The following DRC8 variants were observed in gnomAD, a reference collection of about 807,000 sequenced individuals.
DRC8 encodes dynein regulatory complex protein 8.
At chr1:245,027,006 T>A in the DRC8 span, among the ~76,000 whole-genome samples, 1 of 152,220 alleles carries the variant, frequency 6.6e-6, no homozygotes, top group Non-Finnish European at 1.5e-5. Flanking sequence ...GATGTTAACA[T>A]CTGTTAAATC....
chr1:244,989,095 A>T, the DRC8 span, among the ~76,000 whole-genome samples: 4 of 152,060 alleles, frequency 2.6e-5, no homozygotes, highest in African/African-American at 9.7e-5. Flanking sequence ...TTTAGTTATT[A>T]TTTATTTATT....
chr1:244,979,292 C>CTTTTTTTTTT, the DRC8 span, among the ~76,000 whole-genome samples: 1 of 51,370 alleles, frequency 1.9e-5, no homozygotes, highest in African/African-American at 9.8e-5. Flanking sequence ...CGAAGCTTAT[C>CTTTTTTTTTT]TTTTTTTTTT....
chr1:245,015,965 CTTTTTTTTTT>C, the DRC8 span, among the ~76,000 whole-genome samples: 2 of 57,210 alleles, frequency 3.5e-5, no homozygotes, highest in East Asian at 7.0e-4. Flanking sequence ...GCCTACAGGG[CTTTTTTTTTT>C]TTTTTTTTTT....
the DRC8 span, among the ~76,000 whole-genome samples, chr1:245,110,523 C>T: frequency 1.3e-5 from 2 of 152,204 alleles, no homozygotes; most frequent in Admixed American, 6.5e-5. Flanking sequence ...CTTTTCTGGG[C>T]ATATTCTGCT....
chr1:245,041,706 G>A, the DRC8 span, among the ~76,000 whole-genome samples: 2 of 152,146 alleles, frequency 1.3e-5, no homozygotes, highest in Admixed American at 1.3e-4. Flanking sequence ...AAACAAAAGG[G>A]AGGTGATTAA....
the DRC8 span, among the ~76,000 whole-genome samples, chr1:245,026,146 G>A: frequency 6.6e-6 from 1 of 152,316 alleles, no homozygotes; most frequent in East Asian, 1.9e-4. Context: ...TGCTAATACA[G>A]TGAGTCTCTT....
the DRC8 span, among the ~76,000 whole-genome samples, chr1:245,111,753 G>T: frequency 6.6e-6 from 1 of 152,156 alleles, no homozygotes; most frequent in Non-Finnish European, 1.5e-5. Context: ...CAGATAACTG[G>T]GGTGGGACAT....
At chr1:245,045,520 A>C in the DRC8 span, among the ~76,000 whole-genome samples, 2 of 152,076 alleles carry the variant, frequency 1.3e-5, no homozygotes, top group East Asian at 3.9e-4. Flanking sequence ...GGGTCCAAAT[A>C]CCCGCTAGCA....
the DRC8 span, chr1:244,970,451 A>AT: frequency 6.6e-7 from 1 of 1,526,472 alleles, no homozygotes; most frequent in Non-Finnish European, 8.7e-7. Context: ...AAGGTAAGGT[A>AT]GGGGAGCCGG....
the DRC8 span, among the ~76,000 whole-genome samples, chr1:244,988,861 T>C: frequency 1.3e-5 from 2 of 152,324 alleles, no homozygotes; most frequent in South Asian, 2.1e-4. Context: ...GTCAGCTAGA[T>C]ACTCGATATT....
the DRC8 span, among the ~76,000 whole-genome samples, chr1:245,011,275 G>T: frequency 2.0e-5 from 3 of 152,126 alleles, no homozygotes; most frequent in African/African-American, 7.2e-5. Context: ...TTTGGCATCA[G>T]CATCATTCCT....
the DRC8 span, among the ~76,000 whole-genome samples, chr1:245,118,139 G>A: frequency 3.9e-5 from 6 of 152,082 alleles, no homozygotes; most frequent in African/African-American, 7.2e-5. Flanking sequence ...CACTTAGACC[G>A]AGAACTGAAA....
At chr1:244,996,284 G>A in the DRC8 span, among the ~76,000 whole-genome samples, 1 of 151,958 alleles carries the variant, frequency 6.6e-6, no homozygotes, top group Admixed American at 6.6e-5. Context: ...TGATAAGAGG[G>A]GTGTGGGGGG....
At chr1:244,972,151 TTAAAG>T in the DRC8 span, among the ~76,000 whole-genome samples, 2 of 152,170 alleles carry the variant, frequency 1.3e-5, no homozygotes. Flanking sequence ...TTTTTTCCAT[TTAAAG>T]TAAATTCAGA....
chr1:245,092,415 T>A, the DRC8 span, among the ~76,000 whole-genome samples: 4 of 152,246 alleles, frequency 2.6e-5, no homozygotes, highest in Non-Finnish European at 5.9e-5. Context: ...GAAAGTACCC[T>A]GTTTATACAG....
chr1:245,072,728 TGAATCATGGGG>T, the DRC8 span, among the ~76,000 whole-genome samples: 1 of 152,244 alleles, frequency 6.6e-6, no homozygotes, highest in Non-Finnish European at 1.5e-5. Flanking sequence ...GGGAGGCGTT[TGAATCATGGGG>T]GAAGATCCCT....
the DRC8 span, among the ~76,000 whole-genome samples, chr1:245,038,204 C>T: frequency 1.3e-5 from 2 of 152,192 alleles, no homozygotes; most frequent in South Asian, 4.1e-4. Context: ...AGCGTGGTGG[C>T]TCACACCTGT....
chr1:245,011,903 TG>T, the DRC8 span, among the ~76,000 whole-genome samples: 3 of 152,206 alleles, frequency 2.0e-5, no homozygotes, highest in Non-Finnish European at 4.4e-5. Context: ...CAGACATTTT[TG>T]ATCACTGAAG....
chr1:244,970,321 T>TCCTAC, the DRC8 span: 20 of 1,308,580 alleles, frequency 1.5e-5, no homozygotes, highest in Non-Finnish European at 1.8e-5. Flanking sequence ...GAGCGGCCCC[T>TCCTAC]CCTCCAGGCC....
Sources: allele counts gnomAD v4.1 joint callset (sites outside exome capture counted in the v4.1 genomes callset), GRCh38; gene constraint gnomAD v4.1.1; transcripts MANE v1.5; gene names NCBI Gene and HGNC (gene_info 2026-07-23, HGNC 2026-07-21).